BCKDHB: variants seen among roughly 807,000 people sequenced by gnomAD.
The protein encoded by BCKDHB is branched chain keto acid dehydrogenase E1 subunit beta, also known as 2-oxoisovalerate dehydrogenase subunit beta, mitochondrial.
BCKDHB carries 41 observed loss-of-function variants against 48.5 expected under a neutral mutation model. The ratio of observed to expected loss-of-function variants is 0.85; its 90% CI spans 0.66 to 1.10. The LOEUF (loss-of-function observed/expected upper bound fraction) is 1.10. Ranked by LOEUF, BCKDHB falls within the 50% of genes least tolerant of loss-of-function variation. The probability of loss-of-function intolerance (pLI) is 0.00; values close to 1 mark genes in which losing one functional copy is unlikely to be tolerated. For missense variants in BCKDHB, 496 were observed against 494.2 expected, an observed-to-expected ratio of 1.00 and a Z score of -0.03; for synonymous variants, 201 against 174.8, an observed-to-expected ratio of 1.15 and a Z score of -1.18.
intron 8 of BCKDHB, among the ~76,000 whole-genome samples, chr6:80,240,735 T>A (rs1292543134): frequency 6.6e-6 from 1 of 152,176 alleles, no homozygotes; most frequent in East Asian, 1.9e-4. Flanking sequence ...GGCATCCCTG[T>A]CTTGTGCCAG....
the BCKDHB span, among the ~76,000 whole-genome samples, chr6:80,359,389 T>C: frequency 2.0e-5 from 3 of 152,158 alleles, no homozygotes; most frequent in East Asian, 3.9e-4. Context: ...GGCCCTCCCC[T>C]GCACCACCCT....
chr6:80,426,048 C>G, the BCKDHB span, among the ~76,000 whole-genome samples: 1 of 152,140 alleles, frequency 6.6e-6, no homozygotes, highest in Non-Finnish European at 1.5e-5. Context: ...GTTCTAAATA[C>G]AGCTTCATTT....
At chr6:80,134,670 T>C (rs1385779136) in intron 3 of BCKDHB, among the ~76,000 whole-genome samples, 1 of 152,176 alleles carries the variant, frequency 6.6e-6, no homozygotes, top group Non-Finnish European at 1.5e-5. Context: ...TATAGCATTT[T>C]GGAACCATGG....
chr6:80,132,189 T>C (rs1770664351), intron 3 of BCKDHB, among the ~76,000 whole-genome samples: 1 of 151,894 alleles, frequency 6.6e-6, no homozygotes. Flanking sequence ...GGTAGACTCC[T>C]ATTTCTTCTT....
chr6:80,253,782 C>G (rs955059307), intron 8 of BCKDHB, among the ~76,000 whole-genome samples: 3 of 151,928 alleles, frequency 2.0e-5, no homozygotes, highest in Admixed American at 2.0e-4. Context: ...TTTAATGAAT[C>G]TTGGTAAAAG....
At chr6:80,418,647 G>A in the BCKDHB span, among the ~76,000 whole-genome samples, 1 of 152,260 alleles carries the variant, frequency 6.6e-6, no homozygotes, top group South Asian at 2.1e-4. Flanking sequence ...CTTGAGGTTA[G>A]GAATCCACTA....
intron 6 of BCKDHB, among the ~76,000 whole-genome samples, chr6:80,179,467 AG>A (rs903129716): frequency 6.6e-6 from 1 of 152,144 alleles, no homozygotes; most frequent in Non-Finnish European, 1.5e-5. Context: ...ACATTGTATT[AG>A]GCATTATAAG....
chr6:80,342,735 G>T (rs573441496), intron 9 of BCKDHB, among the ~76,000 whole-genome samples: 1 of 152,070 alleles, frequency 6.6e-6, no homozygotes, highest in Admixed American at 6.5e-5. Flanking sequence ...GTTGCAGTGA[G>T]CCGTGTTTGC....
intron 8 of BCKDHB, among the ~76,000 whole-genome samples, chr6:80,216,398 T>A (rs1290336357): frequency 6.6e-6 from 1 of 152,234 alleles, no homozygotes; most frequent in African/African-American, 2.4e-5. Context: ...GGTGGGCAAA[T>A]GTGACCTGTA....
chr6:80,146,612 A>G (rs1236144777), intron 3 of BCKDHB, among the ~76,000 whole-genome samples: 1 of 152,166 alleles, frequency 6.6e-6, no homozygotes, highest in East Asian at 1.9e-4. Flanking sequence ...AGGCTTGGAA[A>G]AACAGAATCT....
chr6:80,150,258 G>A lies in BCKDHB; in HGVS notation c.344-17420G>A, dbSNP rs1463593406. Reference sequence around the variant, plus strand: ...CTATTGTCTATTTCCATCTAGTACTGTACCTGTAACTCAGTATACTTATTT... The same window carrying A: ...CTATTGTCTATTTCCATCTAGTACTATACCTGTAACTCAGTATACTTATTT... On this transcript the variant is annotated intron_variant, in intron 3 of 9. Coordinates refer to ENST00000320393, the MANE Select transcript of BCKDHB (RefSeq NM_183050.4). Among the ~76,000 whole-genome samples the A allele has an allele frequency of 2.0e-5, 3 of 151,922 alleles. No homozygotes were observed. In the East Asian group the frequency reaches 5.8e-4, roughly 29 times the overall value.
At chr6:80,290,069 A>G (rs1766834390) in intron 9 of BCKDHB, among the ~76,000 whole-genome samples, 1 of 152,104 alleles carries the variant, frequency 6.6e-6, no homozygotes, top group Non-Finnish European at 1.5e-5. Context: ...CTACCTGAGT[A>G]CTTTCCTAGT....
In BCKDHB at chr6:80,250,272, G is replaced by A. The variant is rs529648023; in HGVS notation, c.952-22863G>A. On this transcript the variant is annotated intron_variant, in intron 8 of 9. Coordinates refer to ENST00000320393, the MANE Select transcript of BCKDHB (RefSeq NM_183050.4). ...TCTCACAGATGAATCTTTACTTCTG[G>A]CATTTACTCCTAACTCTCAAAAAAT... is the stretch of plus-strand genomic sequence containing the variant. Among the ~76,000 whole-genome samples the A allele has an allele frequency of 1.0e-3, 153 of 151,970 alleles. 1 individual carries two copies. Among genetic ancestry groups the A allele is most frequent in the African/African-American group, 3.5e-3 (143 of 41,428 alleles).
intron 3 of BCKDHB, among the ~76,000 whole-genome samples, chr6:80,152,498 A>G (rs947294192): frequency 1.3e-5 from 2 of 152,170 alleles, no homozygotes; most frequent in Admixed American, 1.3e-4. Flanking sequence ...ATGAGAGTTT[A>G]ATTTAAGCTT....
At chr6:80,247,771 C>CT (rs1776675204) in intron 8 of BCKDHB, among the ~76,000 whole-genome samples, 4 of 152,136 alleles carry the variant, frequency 2.6e-5, no homozygotes, top group Non-Finnish European at 4.4e-5. Flanking sequence ...AATAGCAGCT[C>CT]TTTATTTAGG....
intron 5 of BCKDHB, chr6:80,169,674 A>G: frequency 1.5e-6 from 1 of 657,926 alleles, no homozygotes; most frequent in South Asian, 4.8e-5. Context: ...TTTACTGAAT[A>G]AGCTTTTCAG....
chr6:80,446,938 G>A, the BCKDHB span, among the ~76,000 whole-genome samples: 2 of 152,006 alleles, frequency 1.3e-5, no homozygotes, highest in South Asian at 2.1e-4. Flanking sequence ...TGGTCAAGCT[G>A]ACCTTAGACA....
chr6:80,336,950 A>G (rs1053326768), intron 9 of BCKDHB, among the ~76,000 whole-genome samples: 1 of 152,090 alleles, frequency 6.6e-6, no homozygotes, highest in Non-Finnish European at 1.5e-5. Context: ...GGTACATACT[A>G]TTTTTAAACT....
chr6:80,367,955 A>G, the BCKDHB span, among the ~76,000 whole-genome samples: 1 of 152,360 alleles, frequency 6.6e-6, no homozygotes, highest in Middle Eastern at 3.4e-3. Context: ...GACTGTGGCA[A>G]TAGCATTACA....
Sources: allele counts gnomAD v4.1 joint callset (sites outside exome capture counted in the v4.1 genomes callset), GRCh38; gene constraint gnomAD v4.1.1; transcripts MANE v1.5; gene names NCBI Gene and HGNC (gene_info 2026-07-23, HGNC 2026-07-21).